ST7L: variants seen among roughly 807,000 people sequenced by gnomAD.
ST7L encodes the protein suppression of tumorigenicity 7 like, also known as suppressor of tumorigenicity 7 protein-like.
In ST7L, 57 loss-of-function variants were observed where a neutral mutation model predicts 72.5. The ratio of observed to expected loss-of-function variants is 0.79; its 90% CI spans 0.64 to 0.98. The LOEUF (loss-of-function observed/expected upper bound fraction) is 0.98, where lower values mean the gene tolerates loss of function less well. Among genes scored for constraint, ST7L ranks in the 50% least tolerant of loss-of-function variants. The pLI is 0.00. For missense variants in ST7L, 576 were observed against 672.2 expected, an observed-to-expected ratio of 0.86 and a Z score of 1.58; for synonymous variants, 221 against 240.9, an observed-to-expected ratio of 0.92 and a Z score of 0.77.
In ST7L at chr1:112,532,137, T is replaced by TA. The variant is rs1242013663; in HGVS notation, c.1630-6027dup. ...CCTAAAGGGATCAGAGTCTAATAAA[T>TA]AAAAAACATCCAGCTGAATTTTATC... On this transcript the variant is annotated intron_variant, in intron 14 of 14. Coordinates refer to ENST00000358039, the MANE Select transcript of ST7L (RefSeq NM_017744.5). Among the ~76,000 whole-genome samples, 8 of 152,260 alleles carry TA rather than the reference T, an allele frequency of 5.3e-5. No homozygotes were observed. The East Asian group carries it at 1.4e-3, about 26-fold the overall frequency.
chr1:112,618,770 G>T, intron 1 of ST7L, 139 bp downstream of exon 1: 1 of 1,441,328 alleles, frequency 6.9e-7, no homozygotes, highest in Non-Finnish European at 9.1e-7. Context: ...CAGCCCAAAA[G>T]AAAAAGAACT....
At chr1:112,594,960 T>A (rs1182182706) in intron 5 of ST7L, among the ~76,000 whole-genome samples, 1 of 152,138 alleles carries the variant, frequency 6.6e-6, no homozygotes, top group East Asian at 1.9e-4. Flanking sequence ...TGGAAAAGGA[T>A]GGAAGTGTGA....
chr1:112,569,976 A>AC (rs1193259402), intron 11 of ST7L, among the ~76,000 whole-genome samples: 35 of 150,396 alleles, frequency 2.3e-4, no homozygotes, highest in South Asian at 4.2e-4. Context: ...AAAAAAAAAC[A>AC]AAAAAACTAT....
At position 112,585,556 on chromosome 1, in the gene ST7L, C is replaced by T. The variant is rs1301288236; in HGVS notation, c.702-1430G>A. The stretch of plus-strand genomic sequence containing the variant: ...AGGAGATCGAGACCACGGTGAAACC[C>T]TGTCTCTACTAAAAAAAATACAAAA... On this transcript the variant is annotated intron_variant, in intron 6 of 14. Coordinates refer to ENST00000358039, the MANE Select transcript of ST7L (RefSeq NM_017744.5). Among the ~76,000 whole-genome samples the T allele has an allele frequency of 2.6e-5, 4 of 151,992 alleles. No homozygotes were observed. The East Asian group carries it at 7.7e-4, about 29-fold the overall frequency.
At chr1:112,544,088 G>A (rs939373766) in intron 13 of ST7L, among the ~76,000 whole-genome samples, 1 of 152,058 alleles carries the variant, frequency 6.6e-6, no homozygotes. Flanking sequence ...GCCTATTAGA[G>A]TACTTAACAT....
intron 11 of ST7L, among the ~76,000 whole-genome samples, chr1:112,575,873 G>C (rs1571124408): frequency 6.6e-6 from 1 of 152,102 alleles, no homozygotes; most frequent in South Asian, 2.1e-4. Context: ...TTGGATTTAA[G>C]TACTTTTCTT....
intron 1 of ST7L, chr1:112,618,144 T>C (rs1670226849): frequency 2.3e-6 from 3 of 1,276,880 alleles, no homozygotes; most frequent in Non-Finnish European, 2.1e-6. Context: ...TTGAGTGAAA[T>C]ATAATCACAT....
chr1:112,545,838 T>C (rs1403465977), intron 13 of ST7L, among the ~76,000 whole-genome samples: 1 of 152,208 alleles, frequency 6.6e-6, no homozygotes, highest in Non-Finnish European at 1.5e-5. Context: ...AGTGATTTCA[T>C]TTATGCCTAC....
intron 11 of ST7L, among the ~76,000 whole-genome samples, chr1:112,574,628 C>T (rs1386084587): frequency 6.7e-6 from 1 of 150,244 alleles, no homozygotes; most frequent in Non-Finnish European, 1.5e-5. Flanking sequence ...CACTGCACTC[C>T]AGCCTGGGCG....
At chr1:112,565,211 A>ATTTTTTTTTT (rs777969643) in intron 11 of ST7L, among the ~76,000 whole-genome samples, 53 of 57,958 alleles carry the variant, frequency 9.1e-4, no homozygotes, top group African/African-American at 2.4e-3. Context: ...TGTTCGGCTA[A>ATTTTTTTTTT]TTTTTTTTTT....
chr1:112,602,126 T>C (rs1667514359), intron 3 of ST7L, among the ~76,000 whole-genome samples: 1 of 148,892 alleles, frequency 6.7e-6, no homozygotes, highest in Admixed American at 6.7e-5. Flanking sequence ...AAATAGACTG[T>C]AAGAAATTGA....
chr1:112,619,192 C>T, upstream of ST7L: 3 of 1,424,646 alleles, frequency 2.1e-6, no homozygotes, highest in South Asian at 2.5e-5. Context: ...GGGATAGTGG[C>T]GGACCTGAAG....
chr1:112,529,803 T>C (rs1339617759), intron 14 of ST7L: 1 of 151,318 alleles, frequency 6.6e-6, no homozygotes, highest in East Asian at 1.9e-4. Context: ...TCAACCAAGT[T>C]CTATGGAGGT....
At chr1:112,595,574 C>T (rs1447860992) in intron 5 of ST7L, among the ~76,000 whole-genome samples, 1 of 151,906 alleles carries the variant, frequency 6.6e-6, no homozygotes, top group East Asian at 1.9e-4. Flanking sequence ...GCATGTACCA[C>T]CACATCTGAT....
At chr1:112,561,286 A>G (rs1228452596) in intron 11 of ST7L, among the ~76,000 whole-genome samples, 1 of 149,626 alleles carries the variant, frequency 6.7e-6, no homozygotes, top group African/African-American at 2.5e-5. Flanking sequence ...TAAACTAAAG[A>G]CAGGGCATGG....
rs111917423 is a variant in ST7L, at chr1:112,617,253, A to T, written c.206-358T>A. 341 of 166,488 alleles carry T rather than the reference A, an allele frequency of 2.0e-3. 2 individuals are homozygous for T. The highest frequency in any genetic ancestry group is 6.8e-3 in the African/African-American group (284 of 41,684). The allele number at this position is 166,488 out of a possible 1,614,324, so 10.3% of individuals were successfully genotyped here. On this transcript the variant is annotated intron_variant, in intron 1 of 14. Transcript: ENST00000358039. ...GGTAGGATACAAAACCACTGTCTCA[A>T]ATTAGAGGGAAGGAAACAGCATATG...
chr1:112,580,825 G>C (rs537584767), intron 9 of ST7L, among the ~76,000 whole-genome samples: 2 of 152,234 alleles, frequency 1.3e-5, no homozygotes, highest in Non-Finnish European at 2.9e-5. Flanking sequence ...CTACTCGGGA[G>C]GCTGAGGCAG....
chr1:112,584,654 A>G (rs1664620921), intron 6 of ST7L, among the ~76,000 whole-genome samples: 1 of 151,908 alleles, frequency 6.6e-6, no homozygotes, highest in African/African-American at 2.4e-5. Flanking sequence ...CGCCCGGCTA[A>G]TTTTTGTATT....
At chr1:112,518,320 T>C in the ST7L span, 1 of 152,196 alleles carries the variant, frequency 6.6e-6, no homozygotes, top group Non-Finnish European at 1.5e-5. Flanking sequence ...GCTCCCAGGC[T>C]CTTTTCTACA....
Sources: gnomAD v4.1 joint callset for allele counts (sites outside exome capture counted in the v4.1 genomes callset) on GRCh38, gnomAD v4.1.1 for gene constraint, MANE v1.5 for transcripts, NCBI Gene and HGNC (gene_info 2026-07-23, HGNC 2026-07-21) for gene names.